Variants in PRKN observed in about 807,000 individuals in gnomAD.
PRKN encodes the protein parkin RBR E3 ubiquitin protein ligase.
PRKN carries 56 observed loss-of-function variants against 59.5 expected under a neutral mutation model. The ratio of observed to expected loss-of-function variants is 0.94; its 90% confidence interval spans 0.76 to 1.18. The LOEUF (loss-of-function observed/expected upper bound fraction) is 1.18, where lower values mean the gene tolerates loss of function less well. Ranked by LOEUF, PRKN falls within the 50% of genes most tolerant of loss-of-function variation. The pLI, the probability that PRKN is intolerant of heterozygous loss-of-function variation, is 0.00. For missense variants in PRKN, 657 were observed against 596.4 expected (o/e 1.10, Z -1.06); for synonymous variants, 250 against 222.1 (o/e 1.13, Z -1.12).
intron 5 of PRKN, among the ~76,000 whole-genome samples, chr6:162,040,572 A>ATTTTTTTTTTTTTT (rs35272845): frequency 2.7e-5 from 3 of 113,062 alleles, no homozygotes; most frequent in African/African-American, 6.7e-5. Flanking sequence ...ATGCCCGGCT[A>ATTTTTTTTTTTTTT]TTTTTTTTTT....
At chr6:161,482,304 A>G (rs1174978308) in intron 9 of PRKN, among the ~76,000 whole-genome samples, 1 of 152,184 alleles carries the variant, frequency 6.6e-6, no homozygotes, top group Non-Finnish European at 1.5e-5. Flanking sequence ...CTCATGACCT[A>G]TTGACTGTGT....
At chr6:162,161,144 A>C (rs1175291261) in intron 4 of PRKN, among the ~76,000 whole-genome samples, 1 of 152,196 alleles carries the variant, frequency 6.6e-6, no homozygotes, top group African/African-American at 2.4e-5. Context: ...AGCTAGGATC[A>C]GGCACATCTA....
At chr6:162,586,070 G>C (rs1781040101) in intron 1 of PRKN, among the ~76,000 whole-genome samples, 1 of 152,116 alleles carries the variant, frequency 6.6e-6, no homozygotes, top group African/African-American at 2.4e-5. Flanking sequence ...GCAAAAGCTG[G>C]GTTTCCATAG....
intron 5 of PRKN, among the ~76,000 whole-genome samples, chr6:162,042,447 C>T (rs533277971): frequency 7.7e-6 from 1 of 129,220 alleles, no homozygotes; most frequent in East Asian, 3.9e-4. Flanking sequence ...ATGTACCCAG[C>T]TAATTTTTTT....
In PRKN at chr6:161,360,599, G is replaced by T. The variant is rs900668071; in HGVS notation, c.1168-394C>A. ...AGTTTTTATTCCACATTGAGGATTC[G>T]ATGGGTGAAAACATGGCCCAAAGCT... On this transcript the variant is annotated intron_variant, in intron 10 of 11. Transcript: ENST00000366898. This position sits in a 1 kb window ranked among gnomAD's most constrained non-coding sequence, Gnocchi z 5.1. Among the ~76,000 whole-genome samples the T allele has an allele frequency of 6.6e-6, 1 of 152,180 alleles. No individual in the cohort carries two copies. The highest frequency in any genetic ancestry group is 6.5e-5 in the Admixed American group (1 of 15,282).
At chr6:161,514,769 C>A (rs1379237712) in intron 9 of PRKN, among the ~76,000 whole-genome samples, 1 of 152,072 alleles carries the variant, frequency 6.6e-6, no homozygotes. Context: ...AACCAGGAGA[C>A]CAGAAGGGCT....
intron 6 of PRKN, among the ~76,000 whole-genome samples, chr6:161,972,236 TG>T (rs1780842888): frequency 6.7e-6 from 1 of 148,506 alleles, no homozygotes. Context: ...ATCCCGCCAT[TG>T]CACTCCAGCC....
At chr6:161,531,058 G>C (rs967912551) in intron 9 of PRKN, among the ~76,000 whole-genome samples, 1 of 152,048 alleles carries the variant, frequency 6.6e-6, no homozygotes, top group Non-Finnish European at 1.5e-5. Context: ...TGCAAGTTCC[G>C]TAAGTTCCAT....
At position 162,681,154 on chromosome 6, in the gene PRKN, A is replaced by C. The variant is rs187849328; in HGVS notation, c.7+46508T>G. Among the ~76,000 whole-genome samples, 16 of 152,302 alleles carry C rather than the reference A, an allele frequency of 1.1e-4. No individual in the cohort carries two copies. The East Asian group carries it at 2.9e-3, about 28-fold the overall frequency. ...GCACTCTGTTTCCTTTTCTTCATGA[A>C]AAATCGTAAGAATGTGGAAGAAAAA... On this transcript the variant is annotated intron_variant, in intron 1 of 11. Coordinates refer to ENST00000366898, the MANE Select transcript of PRKN (RefSeq NM_004562.3).
At chr6:162,485,920 T>G (rs138505804) in intron 1 of PRKN, among the ~76,000 whole-genome samples, 281 of 152,316 alleles carry the variant, frequency 1.8e-3, no homozygotes, top group African/African-American at 6.4e-3. Context: ...TAATCTTCTA[T>G]CGCATATGCA....
intron 2 of PRKN, among the ~76,000 whole-genome samples, chr6:162,387,553 C>CACAGAGAGAGAG (rs778197321): frequency 1.2e-5 from 1 of 80,232 alleles, no homozygotes; most frequent in East Asian, 4.5e-4. Flanking sequence ...CACACACACA[C>CACAGAGAGAGAG]ACAGAGAGAG....
intron 2 of PRKN, among the ~76,000 whole-genome samples, chr6:162,300,183 G>T (rs1781878420): frequency 6.6e-6 from 1 of 152,052 alleles, no homozygotes; most frequent in South Asian, 2.1e-4. Flanking sequence ...ATACAAACAT[G>T]AATAGGAATG....
chr6:162,426,154 T>C (rs987179822), intron 2 of PRKN, among the ~76,000 whole-genome samples: 9 of 152,214 alleles, frequency 5.9e-5, no homozygotes, highest in Non-Finnish European at 1.0e-4. Context: ...AGGTGGGTGA[T>C]GTGAAATGCC....
chr6:162,258,146 A>G (rs1377997510), intron 3 of PRKN, among the ~76,000 whole-genome samples: 16 of 152,128 alleles, frequency 1.1e-4, no homozygotes, highest in Admixed American at 9.8e-4. Flanking sequence ...CGGCTGCTGT[A>G]TATTACGGAA....
At chr6:162,276,080 A>G (rs896972624) in intron 2 of PRKN, among the ~76,000 whole-genome samples, 1 of 152,198 alleles carries the variant, frequency 6.6e-6, no homozygotes, top group Non-Finnish European at 1.5e-5. Flanking sequence ...TAGTGGATTC[A>G]TAAACGTCTG....
intron 1 of PRKN, among the ~76,000 whole-genome samples, chr6:162,629,299 AT>A (rs1783012765): frequency 6.6e-6 from 1 of 152,170 alleles, no homozygotes; most frequent in Admixed American, 6.5e-5. Flanking sequence ...ATGTGGAAAA[AT>A]AACTAATACA....
chr6:161,813,231 T>C (rs1017419468), intron 6 of PRKN, among the ~76,000 whole-genome samples: 2 of 152,132 alleles, frequency 1.3e-5, no homozygotes, highest in African/African-American at 4.8e-5. Flanking sequence ...GGAAAGGATA[T>C]GAACTTCTCA....
Position 162,498,450 on chromosome 6 carries a change from T to C in PRKN, c.8-54977A>G, listed in dbSNP as rs1184185218. ...TTTCTTTCCTTTTTCTTTTTTTTTT[T>C]TTTTTTTTTTTTGAGATGGAGTTTC... On this transcript the variant is annotated intron_variant, in intron 1 of 11. Coordinates refer to ENST00000366898, the MANE Select transcript of PRKN (RefSeq NM_004562.3). Among the ~76,000 whole-genome samples, 51 of 118,496 alleles carry C rather than the reference T, an allele frequency of 4.3e-4. 1 individual carries two copies. Among genetic ancestry groups the C allele is most frequent in the African/African-American group, 1.6e-3 (49 of 31,496 alleles). The allele number at this position is 118,496 out of a possible 152,430, so 77.7% of individuals were successfully genotyped here.
intron 5 of PRKN, among the ~76,000 whole-genome samples, chr6:162,038,053 T>A (rs777330816): frequency 3.6e-4 from 54 of 150,462 alleles, no homozygotes; most frequent in Middle Eastern, 3.4e-3. Context: ...AAAAAAAAAA[T>A]AGAAACCAAT....
Sources: allele counts gnomAD v4.1 joint callset (sites outside exome capture counted in the v4.1 genomes callset), GRCh38; gene constraint gnomAD v4.1.1; non-coding constraint Gnocchi (gnomAD v3.1); transcripts MANE v1.5; gene names NCBI Gene and HGNC (gene_info 2026-07-23, HGNC 2026-07-21).